The following FARS2 variants were observed in gnomAD, a reference collection of about 807,000 sequenced individuals.
FARS2 encodes the protein phenylalanyl-tRNA synthetase 2, mitochondrial, also known as phenylalanine--tRNA ligase, mitochondrial.
In FARS2, 40 loss-of-function variants were observed where a neutral mutation model predicts 46.4. That is an observed-to-expected ratio of 0.86 (90% CI 0.67 to 1.12). FARS2 has a LOEUF of 1.12. Ranked by LOEUF, FARS2 falls within the 50% of genes most tolerant of loss-of-function variation. FARS2 has a pLI of 0.00. For missense variants in FARS2, 513 were observed against 567.9 expected (o/e 0.90, Z 0.98); for synonymous variants, 234 against 214.9 (o/e 1.09, Z -0.78).
intron 6 of FARS2, among the ~76,000 whole-genome samples, chr6:5,703,904 C>T (rs1163326575): frequency 2.0e-5 from 3 of 152,104 alleles, no homozygotes; most frequent in East Asian, 1.9e-4. Context: ...CTTGCCTTCC[C>T]GGCTTGTGCC....
chr6:5,504,439 A>T (rs1455124731), intron 4 of FARS2, among the ~76,000 whole-genome samples: 1 of 10,404 alleles, frequency 9.6e-5, no homozygotes, highest in African/African-American at 7.0e-4. Flanking sequence ...CTTTCCAGTA[A>T]AAAAAAAAAA....
At chr6:5,705,102 A>G (rs1213863530) in intron 6 of FARS2, among the ~76,000 whole-genome samples, 1 of 152,232 alleles carries the variant, frequency 6.6e-6, no homozygotes, top group African/African-American at 2.4e-5. Flanking sequence ...TGTTACGGAA[A>G]TGCTACATTT....
chr6:5,693,800 C>T (rs1165271132), intron 6 of FARS2, among the ~76,000 whole-genome samples: 1 of 152,136 alleles, frequency 6.6e-6, no homozygotes, highest in African/African-American at 2.4e-5. Context: ...GGCTGGAGAA[C>T]ATTTCACCTC....
chr6:5,586,794 A>C (rs1339001141), intron 5 of FARS2, among the ~76,000 whole-genome samples: 4 of 151,926 alleles, frequency 2.6e-5, no homozygotes, highest in Non-Finnish European at 5.9e-5. Context: ...TTCTTCCTTA[A>C]ATTTTTGGTA....
intron 4 of FARS2, among the ~76,000 whole-genome samples, chr6:5,500,932 CCGAGAGAGAGAG>C (rs1359272741): frequency 5.7e-5 from 6 of 105,318 alleles, no homozygotes; most frequent in Admixed American, 2.3e-4. Flanking sequence ...CTTCAAATCC[CCGAGAGAGAGAG>C]AGAGAGAGAG....
chr6:5,418,535 C>T (rs1762369519), intron 3 of FARS2, among the ~76,000 whole-genome samples: 1 of 152,190 alleles, frequency 6.6e-6, no homozygotes, highest in Non-Finnish European at 1.5e-5. Flanking sequence ...ATTCCTGGTC[C>T]TGTGTGAGCT....
chr6:5,451,362 T>C (rs1392612494), intron 4 of FARS2, among the ~76,000 whole-genome samples: 2 of 152,164 alleles, frequency 1.3e-5, no homozygotes, highest in African/African-American at 4.8e-5. Context: ...AACATTGCAT[T>C]ACGTTTCATG....
At chr6:5,634,496 G>C (rs1267852522) in intron 6 of FARS2, among the ~76,000 whole-genome samples, 3 of 152,076 alleles carry the variant, frequency 2.0e-5, no homozygotes, top group Non-Finnish European at 4.4e-5. Context: ...TTTTTGTAGA[G>C]ATGAGGTCTT....
chr6:5,381,384 CACACACACACACACACACACAT>C (rs1483558057), intron 2 of FARS2, among the ~76,000 whole-genome samples: 2 of 126,576 alleles, frequency 1.6e-5, no homozygotes, highest in African/African-American at 6.9e-5. Context: ...CACACACACA[CACACACACACACACACACACAT>C]ACACACACAC....
chr6:5,617,006 G>A (rs1410406481), intron 6 of FARS2, among the ~76,000 whole-genome samples: 1 of 152,048 alleles, frequency 6.6e-6, no homozygotes, highest in Admixed American at 6.6e-5. Context: ...TAATTTGGTA[G>A]TGTTCAAGGG....
At chr6:5,385,978 T>G (rs77665987) in intron 2 of FARS2, among the ~76,000 whole-genome samples, 4,703 of 152,222 alleles carry the variant, frequency 0.031, 244 homozygotes, top group African/African-American at 0.094. Context: ...TGCCACACAT[T>G]CTTGGGAAGC....
At chr6:5,570,187 T>G (rs1446273365) in intron 5 of FARS2, among the ~76,000 whole-genome samples, 5 of 152,116 alleles carry the variant, frequency 3.3e-5, no homozygotes, top group African/African-American at 9.7e-5. Context: ...GACTGAAAAG[T>G]GAAAGAAAAA....
chr6:5,479,630 G>A (rs74349707), intron 4 of FARS2, among the ~76,000 whole-genome samples: 2,937 of 152,202 alleles, frequency 0.019, 113 homozygotes, highest in African/African-American at 0.067. Context: ...TATAACAAAT[G>A]CTGTTACAGC....
intron 4 of FARS2, chr6:5,458,126 G>GTCCCCTTGGCTCCCT (rs946263703): frequency 1.3e-5 from 2 of 153,126 alleles, no homozygotes; most frequent in Non-Finnish European, 2.9e-5. Flanking sequence ...CCATGGCCAA[G>GTCCCCTTGGCTCCCT]TCCCCTTGGC....
At chr6:5,564,183 G>C (rs1019276591) in intron 5 of FARS2, among the ~76,000 whole-genome samples, 1 of 152,188 alleles carries the variant, frequency 6.6e-6, no homozygotes, top group South Asian at 2.1e-4. Flanking sequence ...GCAAATAGTA[G>C]AGTGAGGACA....
chr6:5,458,317 C>T, intron 4 of FARS2, among the ~76,000 whole-genome samples: 1 of 152,180 alleles, frequency 6.6e-6, no homozygotes, highest in Non-Finnish European at 1.5e-5. Flanking sequence ...CACCTGAGGC[C>T]CTTCCAGGGC....
At chr6:5,281,411 A>AAAATGCTT (rs1350356947) in intron 1 of FARS2, among the ~76,000 whole-genome samples, 1 of 152,234 alleles carries the variant, frequency 6.6e-6, no homozygotes, top group East Asian at 1.9e-4. Context: ...CTGTGTCAAA[A>AAAATGCTT]AAATGCTTAA....
chr6:5,480,036 A>C (rs1367180254), intron 4 of FARS2, among the ~76,000 whole-genome samples: 2 of 152,224 alleles, frequency 1.3e-5, no homozygotes, highest in Non-Finnish European at 2.9e-5. Flanking sequence ...AACCTGGAGG[A>C]ATATTTCTAG....
intron 4 of FARS2, among the ~76,000 whole-genome samples, chr6:5,481,160 T>A (rs17140553): frequency 0.026 from 3,930 of 152,264 alleles, 187 homozygotes; most frequent in African/African-American, 0.09. Context: ...GGCACAAGCA[T>A]CTTCTCGTCT....
Sources: allele counts gnomAD v4.1 joint callset (sites outside exome capture counted in the v4.1 genomes callset), GRCh38; gene constraint gnomAD v4.1.1; transcripts MANE v1.5; gene names NCBI Gene and HGNC (gene_info 2026-07-23, HGNC 2026-07-21).